The following IDH3B variants were observed in gnomAD, a reference collection of about 807,000 sequenced individuals.
The protein encoded by IDH3B is isocitrate dehydrogenase [NAD] subunit beta, mitochondrial.
In IDH3B, 40 loss-of-function variants were observed where a neutral mutation model predicts 47.5. That is an observed-to-expected ratio of 0.84 (90% CI 0.65 to 1.10). IDH3B has a LOEUF of 1.10. Ranked by LOEUF, IDH3B falls within the 50% of genes least tolerant of loss-of-function variation. The pLI is 0.00. For missense variants in IDH3B, 450 were observed against 505.2 expected, an observed-to-expected ratio of 0.89 and a Z score of 1.05; for synonymous variants, 185 against 191.0, an observed-to-expected ratio of 0.97 and a Z score of 0.26.
rs754110079 is a variant in IDH3B, at chr20:2,658,713, G to GT, written c.*37_*38insA. 1.9e-6 allele frequency: 3 copies of GT among 1,614,176 alleles called. No homozygotes were observed. The highest frequency in any genetic ancestry group is 2.5e-6 in the Non-Finnish European group (3 of 1,180,028). On this transcript the variant is annotated 3_prime_UTR_variant, in exon 12 of 12. Coordinates refer to ENST00000380843, the MANE Select transcript of IDH3B (RefSeq NM_006899.5). ...GGTACACTGCACTGAAGGGTATGGG[G>GT]AGTGTGGTCCTTGCAAGGTTGGAAG...
At chr20:2,659,175 C>CGTGAAG in intron 11 of IDH3B, 1 of 1,193,394 alleles carries the variant, frequency 8.4e-7, no homozygotes, top group Non-Finnish European at 1.0e-6. Flanking sequence ...GGAGATGGGG[C>CGTGAAG]GTGAAGGTGA....
chr20:2,662,704 C>G (rs2086969518), intron 4 of IDH3B, among the ~76,000 whole-genome samples: 1 of 152,012 alleles, frequency 6.6e-6, no homozygotes, highest in Non-Finnish European at 1.5e-5. Context: ...CTTGTAATCC[C>G]AGCACTGTGG....
Position 2,663,964 on chromosome 20 carries a change from C to T in IDH3B, c.78G>A (p.Leu26=), listed in dbSNP as rs780211926. 6.2e-7 allele frequency: 1 copy of T among 1,614,168 alleles called. No homozygotes were observed. Among genetic ancestry groups the T allele is most frequent in the South Asian group, 1.1e-5 (1 of 91,080 alleles). Residue 26 remains leucine (L), a synonymous_variant, in exon 2 of 12, where the codon CTG becomes CTA. Transcript: ENST00000380843. Reference sequence around the variant, plus strand: ...CAGCGTGCGCCGCGGCCGAGGTACTCAGACCTCTCCATGCCCCAGGGTTCC... The same window carrying T: ...CAGCGTGCGCCGCGGCCGAGGTACTTAGACCTCTCCATGCCCCAGGGTTCC... ...SAGNPGAWRG[L]STSAAAHAAS...
At chr20:2,659,404 G>A (rs888369015) in intron 11 of IDH3B, 121 bp downstream of exon 11, 33 of 1,546,988 alleles carry the variant, frequency 2.1e-5, no homozygotes, top group Non-Finnish European at 2.7e-5. Flanking sequence ...TCAGGGAGCA[G>A]ATGTTCTGGG....
chr20:2,663,346 G>A lies in IDH3B; in HGVS notation c.337+100C>T, dbSNP rs895521466. 3.6e-6 allele frequency: 5 copies of A among 1,401,692 alleles called. No individual in the cohort carries two copies. The African/African-American group carries it at 7.0e-5, about 20-fold the overall frequency. 86.8% of individuals were successfully genotyped at this position (1,401,692 alleles called of 1,614,324 possible). Reference sequence around the variant, plus strand: ...AAATACCAATGGTGGTTGCCCTGGAGTTAATATAATTGCATAGCATGTGGG... The same window carrying A: ...AAATACCAATGGTGGTTGCCCTGGAATTAATATAATTGCATAGCATGTGGG... On this transcript the variant is annotated intron_variant, in intron 4 of 11. Coordinates refer to ENST00000380843, the MANE Select transcript of IDH3B (RefSeq NM_006899.5).
At position 2,662,192 on chromosome 20, in the gene IDH3B, G is replaced by C. The variant is rs867017143; in HGVS notation, c.338-1223C>G. ...CACCAGGTTCATGGTAGTGTGTTAC[G>C]GCAGCTATGGGAAACTAATACAGTG... On this transcript the variant is annotated intron_variant, in intron 4 of 11. Coordinates refer to ENST00000380843, the MANE Select transcript of IDH3B (RefSeq NM_006899.5). Among the ~76,000 whole-genome samples, 5 of 152,160 alleles carry C rather than the reference G, an allele frequency of 3.3e-5. No homozygotes were observed. In the East Asian group the frequency reaches 9.6e-4, roughly 29 times the overall value.
chr20:2,660,871 G>A lies in IDH3B; in HGVS notation c.398+38C>T, dbSNP rs1406971153. 6.2e-7 allele frequency: 1 copy of A among 1,614,130 alleles called. No homozygotes were observed. Among genetic ancestry groups the A allele is most frequent in the Middle Eastern group, 1.6e-4 (1 of 6,062 alleles). On this transcript the variant is annotated intron_variant, in intron 5 of 11. Transcript: ENST00000380843. The surrounding 1 kb of genome is among the most constrained non-coding windows in gnomAD (Gnocchi z 5.6). Reference sequence around the variant, plus strand: ...CCATCAGCTCTGCTCCTGGTGCCCTGGCACCTCTCAACCATTCACCCCACC... The same window carrying A: ...CCATCAGCTCTGCTCCTGGTGCCCTAGCACCTCTCAACCATTCACCCCACC...
At chr20:2,662,468 AG>A (rs755827631) in intron 4 of IDH3B, among the ~76,000 whole-genome samples, 6 of 152,204 alleles carry the variant, frequency 3.9e-5, no homozygotes, top group Non-Finnish European at 8.8e-5. Flanking sequence ...GATGAACTAT[AG>A]GGGCAGAACT....
intron 4 of IDH3B, 59 bp from the exon 5 acceptor site, chr20:2,661,028 G>T: frequency 7.0e-7 from 1 of 1,433,660 alleles, no homozygotes; most frequent in South Asian, 1.2e-5. Context: ...AGGGAACTCA[G>T]ACCAGTGTCT....
In IDH3B at chr20:2,663,663, GA is replaced by G. The variant is rs2086990244; in HGVS notation, c.212del (p.Phe71SerfsTer15). On this transcript the variant is annotated frameshift_variant, in exon 3 of 12. Coordinates refer to ENST00000380843, the MANE Select transcript of IDH3B (RefSeq NM_006899.5). LOFTEE classifies it high-confidence loss of function. The stretch of plus-strand genomic sequence containing the variant: ...TCTGATCCCCGAGGCCACTCACCTT[GA>G]ACACCTCCTTGACGGCGTGCATCAG... Reference protein sequence around the residue: ...PELMHAVKEVFKAAAVPVEFQ... With the variant: ...PELMHAVKEVXKAAAVPVEFQ... The G allele has an allele frequency of 1.9e-6, 3 of 1,614,048 alleles. No homozygotes were observed. In the South Asian group the frequency reaches 3.3e-5, roughly 18 times the overall value.
rs2086918870 is a variant in IDH3B at position 2,660,313 on chromosome 20, A to G, written c.718T>C (p.Tyr240His). 1.2e-6 allele frequency: 2 copies of G among 1,614,092 alleles called. No individual in the cohort carries two copies. Among genetic ancestry groups the G allele is most frequent in the Non-Finnish European group, 8.5e-7 (1 of 1,179,998 alleles). ...LQCCEEVAEL[Y>H]PKIKFETMII... ...ATTGTCTCAAATTTGATTTTGGGGTACAGTTCAGCAACTTCCTCACAGCAC... is the reference window on the plus strand; with the variant it reads ...ATTGTCTCAAATTTGATTTTGGGGTGCAGTTCAGCAACTTCCTCACAGCAC... The change falls in exon 8 of 12, where the codon TAC becomes CAC. Residue 240 changes from tyrosine to histidine, a missense_variant. Tyr to His is a moderately conservative substitution (Grantham distance 83). Transcript: ENST00000380843. This position sits in a 1 kb window ranked among gnomAD's most constrained non-coding sequence, Gnocchi z 5.6.
intron 11 of IDH3B, 66 bp downstream of exon 11, chr20:2,659,459 A>G: frequency 6.4e-7 from 1 of 1,561,454 alleles, no homozygotes. Context: ...CCCAGAGGGT[A>G]GTGCCGAGGT....
In IDH3B at chr20:2,658,778, G is replaced by C. The variant is rs773576408; in HGVS notation, c.1131C>G (p.Ile377Met). ...AGCTCCCTTTAGTCTGCAGGTGACC[G>C]ATGACAGACTTGATGAAGTCGGTTG... ...STTTDFIKSVIGHLQTKGS is the reference protein window; with the variant it reads ...STTTDFIKSVMGHLQTKGS Residue 377 changes from isoleucine (I) to methionine (M), a missense_variant, in exon 12 of 12, where the codon ATC becomes ATG. Physicochemically the swap from Ile to Met is conservative, Grantham distance 10. Coordinates refer to ENST00000380843, the MANE Select transcript of IDH3B (RefSeq NM_006899.5). 1.2e-6 allele frequency: 2 copies of C among 1,614,056 alleles called. No individual in the cohort carries two copies. Among genetic ancestry groups the C allele is most frequent in the Admixed American group, 1.7e-5 (1 of 60,004 alleles).
chr20:2,660,257 C>T lies in IDH3B; in HGVS notation c.768+6G>A, dbSNP rs762325947. ...CCCCATGAGTAGAGATGTGGGGAGG[C>T]CTCACCTGCATGCAGCAGTTGTCTA... On this transcript the variant is annotated splice_donor_region_variant and intron_variant, in intron 8 of 11. Coordinates refer to ENST00000380843, the MANE Select transcript of IDH3B (RefSeq NM_006899.5). This position sits in a 1 kb window ranked among gnomAD's most constrained non-coding sequence, Gnocchi z 5.6. The T allele has an allele frequency of 1.2e-6, 2 of 1,613,828 alleles. No homozygotes were observed. Among genetic ancestry groups the T allele is most frequent in the East Asian group, 2.2e-5 (1 of 44,898 alleles).
chr20:2,659,309 G>C, intron 11 of IDH3B: 1 of 1,506,502 alleles, frequency 6.6e-7, no homozygotes, highest in East Asian at 2.3e-5. Context: ...ACAGCAGATG[G>C]GATCTAAGAG....
At chr20:2,663,832 G>A (rs2086995138) in intron 2 of IDH3B, 74 bp from the exon 3 acceptor site, 4 of 1,590,088 alleles carry the variant, frequency 2.5e-6, no homozygotes, top group Non-Finnish European at 3.5e-6. Flanking sequence ...TAGAGAAGTA[G>A]GGAGACCCGG....
At position 2,658,494 on chromosome 20, in the gene IDH3B, G is replaced by A. The variant is rs762228156; in HGVS notation, c.*257C>T. 5 of 1,614,002 alleles carry A rather than the reference G, an allele frequency of 3.1e-6. No individual in the cohort carries two copies. The African/African-American group carries it at 5.3e-5, about 17-fold the overall frequency. On this transcript the variant is annotated 3_prime_UTR_variant, in exon 12 of 12. Coordinates refer to ENST00000380843, the MANE Select transcript of IDH3B (RefSeq NM_006899.5). Reference sequence around the variant, plus strand: ...AGCCTCAGTGAAGTCATGGCAAGTAGCATAGCCACCCATGTCAGAGGTTCG... The same window carrying A: ...AGCCTCAGTGAAGTCATGGCAAGTAACATAGCCACCCATGTCAGAGGTTCG...
At chr20:2,662,260 C>A (rs1475473212) in intron 4 of IDH3B, among the ~76,000 whole-genome samples, 1 of 152,070 alleles carries the variant, frequency 6.6e-6, no homozygotes, top group African/African-American at 2.4e-5. Context: ...AAAGAAAGAA[C>A]GTTCTGGGTG....
At chr20:2,662,739 G>T (rs925907787) in intron 4 of IDH3B, among the ~76,000 whole-genome samples, 2 of 152,162 alleles carry the variant, frequency 1.3e-5, no homozygotes, top group Non-Finnish European at 2.9e-5. Flanking sequence ...CAGATCACAA[G>T]GTCAGGAGTT....
Sources: allele counts gnomAD v4.1 joint callset (sites outside exome capture counted in the v4.1 genomes callset), GRCh38; gene constraint gnomAD v4.1.1; non-coding constraint Gnocchi (gnomAD v3.1); transcripts MANE v1.5; gene names NCBI Gene and HGNC (gene_info 2026-07-23, HGNC 2026-07-21).